Variants in SYBU observed in about 807,000 individuals in gnomAD.
SYBU encodes GOLSYN A protein.
In SYBU, 21 loss-of-function variants were observed where a neutral mutation model predicts 35.9. That is an observed-to-expected ratio of 0.58 (90% confidence interval 0.41 to 0.84). The LOEUF (loss-of-function observed/expected upper bound fraction) is 0.84. Among genes scored for constraint, SYBU ranks in the 40% least tolerant of loss-of-function variants. The pLI, the probability that SYBU is intolerant of heterozygous loss-of-function variation, is 0.00. For missense variants in SYBU, 768 were observed against 848.2 expected, an observed-to-expected ratio of 0.91 and a Z score of 1.17; for synonymous variants, 319 against 324.3, an observed-to-expected ratio of 0.98 and a Z score of 0.18.
intron 1 of SYBU, among the ~76,000 whole-genome samples, chr8:109,689,314 T>A (rs543534947): frequency 1.3e-5 from 2 of 152,244 alleles, no homozygotes; most frequent in East Asian, 3.9e-4. Context: ...TATGATTTTT[T>A]AAAATTTTCT....
At chr8:109,611,377 G>A (rs1226147433) in intron 3 of SYBU, among the ~76,000 whole-genome samples, 1 of 152,086 alleles carries the variant, frequency 6.6e-6, no homozygotes, top group African/African-American at 2.4e-5. Context: ...ACATCAATTG[G>A]GTGCATCATC....
chr8:109,646,691 T>A (rs532464179), upstream of SYBU: 9 of 152,192 alleles, frequency 5.9e-5, no homozygotes, highest in Non-Finnish European at 1.2e-4. Context: ...AATGGATGCT[T>A]CTGAGTTCCC....
At chr8:109,681,318 T>C (rs562035851), upstream of SYBU, among the ~76,000 whole-genome samples, 2 of 152,264 alleles carry the variant, frequency 1.3e-5, no homozygotes, top group African/African-American at 4.8e-5. Flanking sequence ...TAGATTAAGC[T>C]TAGTATAATG....
At chr8:109,649,331 C>T (rs1340726757), upstream of SYBU, among the ~76,000 whole-genome samples, 2 of 151,966 alleles carry the variant, frequency 1.3e-5, no homozygotes, top group African/African-American at 2.4e-5. Context: ...TGTGTGTTAT[C>T]ATTACTATAG....
intron 1 of SYBU, among the ~76,000 whole-genome samples, chr8:109,665,623 A>C (rs1244098116): frequency 6.6e-6 from 1 of 152,226 alleles, no homozygotes; most frequent in Non-Finnish European, 1.5e-5. Context: ...AATGACCATG[A>C]AGCTCTCTTT....
chr8:109,671,273 TA>T (rs34118764), intron 1 of SYBU, among the ~76,000 whole-genome samples: 19,328 of 152,164 alleles, frequency 0.13, 1,459 homozygotes, highest in East Asian at 0.4. Context: ...AGTGTTTTCT[TA>T]AAAAGAGAGG....
In SYBU at chr8:109,584,264, T is replaced by C. The variant is rs1823372917; in HGVS notation, c.530+1796A>G. Among the ~76,000 whole-genome samples, 1 of 152,240 alleles carries C rather than the reference T, an allele frequency of 6.6e-6. No individual in the cohort carries two copies. On this transcript the variant is annotated intron_variant, in intron 4 of 6. Transcript: ENST00000276646. The surrounding 1 kb of genome is among the most constrained non-coding windows in gnomAD (Gnocchi z 4.0). ...CATTCATCTGATTTGCATATAATTA[T>C]ATTTGGCTATTTTATGTTTAATATG...
chr8:109,587,273 T>A (rs983356478), intron 3 of SYBU, among the ~76,000 whole-genome samples: 1 of 152,200 alleles, frequency 6.6e-6, no homozygotes, highest in Non-Finnish European at 1.5e-5. Context: ...TAACAATGGC[T>A]ATTTATTGAG....
exon 1 of SYBU, chr8:109,680,732 C>A (rs1817374879): frequency 6.6e-6 from 1 of 152,182 alleles, no homozygotes; most frequent in African/African-American, 2.4e-5. Context: ...AAGAAGCAAT[C>A]AAAAATTACT....
chr8:109,629,745 GT>G (rs1813389517), intron 2 of SYBU, among the ~76,000 whole-genome samples: 1 of 151,932 alleles, frequency 6.6e-6, no homozygotes, highest in Non-Finnish European at 1.5e-5. Context: ...GGTTGAACTA[GT>G]TTACAGTCCC....
intron 6 of SYBU, among the ~76,000 whole-genome samples, chr8:109,577,220 C>T (rs1794989832): frequency 6.6e-6 from 1 of 152,152 alleles, no homozygotes; most frequent in South Asian, 2.1e-4. Flanking sequence ...GCCACCCTCA[C>T]CCTGAGCTCA....
At chr8:109,678,323 A>T (rs1817273659) in intron 1 of SYBU, among the ~76,000 whole-genome samples, 2 of 151,738 alleles carry the variant, frequency 1.3e-5, no homozygotes, top group African/African-American at 4.8e-5. Flanking sequence ...CCATAACTTA[A>T]GATTGTTAGG....
intron 3 of SYBU, among the ~76,000 whole-genome samples, chr8:109,614,189 T>C (rs1021112893): frequency 1.3e-5 from 2 of 152,268 alleles, no homozygotes; most frequent in African/African-American, 2.4e-5. Flanking sequence ...TCTAACCTTG[T>C]GGACAAAAAG....
intron 1 of SYBU, among the ~76,000 whole-genome samples, chr8:109,652,617 C>T (rs755442937): frequency 6.6e-6 from 1 of 152,194 alleles, no homozygotes; most frequent in Admixed American, 6.5e-5. Context: ...CCATGTTATA[C>T]TGCCACCTAT....
Position 109,691,308 on chromosome 8 carries a change from G to C in SYBU, c.-58+25C>G, listed in dbSNP as rs367910259. 2 of 700,020 alleles carry C rather than the reference G, an allele frequency of 2.9e-6. No individual in the cohort carries two copies. The highest frequency in any genetic ancestry group is 5.2e-6 in the Non-Finnish European group (2 of 383,910). 43.4% of individuals were successfully genotyped at this position (700,020 alleles called of 1,614,324 possible). A position where few individuals can be genotyped will look rare whatever the true frequency, so the allele number is the denominator to read the frequency against. On this transcript the variant is annotated intron_variant, in intron 1 of 7. Coordinates refer to the SYBU transcript ENST00000422135. The surrounding 1 kb of genome is among the most constrained non-coding windows in gnomAD (Gnocchi z 4.7). Reference sequence around the variant, plus strand: ...CGTGTCCGCGGGCACTGACAGCAGAGACCGCATAGGCGCCCCGGTCTTACC... The same window carrying C: ...CGTGTCCGCGGGCACTGACAGCAGACACCGCATAGGCGCCCCGGTCTTACC...
At chr8:109,583,558 T>G (rs1348409523) in intron 4 of SYBU, among the ~76,000 whole-genome samples, 1 of 152,324 alleles carries the variant, frequency 6.6e-6, no homozygotes, top group East Asian at 1.9e-4. Context: ...TCCCACTGAT[T>G]GACCAATCTT....
intron 1 of SYBU, among the ~76,000 whole-genome samples, chr8:109,655,621 C>A (rs1816323297): frequency 6.6e-6 from 1 of 152,132 alleles, no homozygotes; most frequent in Non-Finnish European, 1.5e-5. Flanking sequence ...GAAAAAGTAT[C>A]CCCATGATTC....
At chr8:109,586,683 C>G (rs1823658623) in intron 3 of SYBU, among the ~76,000 whole-genome samples, 1 of 152,230 alleles carries the variant, frequency 6.6e-6, no homozygotes, top group African/African-American at 2.4e-5. Flanking sequence ...GACTGCTGCA[C>G]TGGCACTATC....
intron 2 of SYBU, among the ~76,000 whole-genome samples, chr8:109,635,272 C>T (rs1054128892): frequency 2.8e-4 from 43 of 152,152 alleles, no homozygotes; most frequent in Non-Finnish European, 4.0e-4. Flanking sequence ...TGCGGTGATA[C>T]CTAAACCTCT....
Sources: allele counts gnomAD v4.1 joint callset (sites outside exome capture counted in the v4.1 genomes callset), GRCh38; gene constraint gnomAD v4.1.1; non-coding constraint Gnocchi (gnomAD v3.1); transcripts MANE v1.5; gene names NCBI Gene and HGNC (gene_info 2026-07-23, HGNC 2026-07-21).